Variants in TMEM242 observed in about 807,000 individuals in gnomAD.
TMEM242 encodes UPF0463 transmembrane protein C6orf35.
Under a neutral mutation model 18.2 loss-of-function variants are expected in TMEM242, and 10 were observed. The observed-to-expected ratio is 0.55, with a 90% CI of 0.34 to 0.93. The LOEUF (loss-of-function observed/expected upper bound fraction) is 0.93. Ranked by LOEUF, TMEM242 falls within the 40% of genes least tolerant of loss-of-function variation. The pLI is 0.02. For synonymous variants in TMEM242, 57 were observed against 69.9 expected (o/e 0.81, Z 0.92); for missense variants, 186 against 175.5 (o/e 1.06, Z -0.34).
At chr6:157,315,941 T>G (rs1301864326) in intron 3 of TMEM242, among the ~76,000 whole-genome samples, 2 of 152,212 alleles carry the variant, frequency 1.3e-5, no homozygotes, top group Non-Finnish European at 2.9e-5. Context: ...ATAATAATTA[T>G]GAATAAAAAA....
chr6:157,305,486 C>T lies in TMEM242; in HGVS notation c.328-12487G>A, dbSNP rs587685902. The stretch of plus-strand genomic sequence containing the variant: ...GGGCGTGTCATATTGTGAGGGCACA[C>T]AATATGAAGCAGAGACGCCGATCTG... On this transcript the variant is annotated intron_variant, in intron 3 of 3. Transcript: ENST00000400788. This position sits in a 1 kb window ranked among gnomAD's most constrained non-coding sequence, Gnocchi z 4.1. Among the ~76,000 whole-genome samples, 8 of 152,028 alleles carry T rather than the reference C, an allele frequency of 5.3e-5. 1 individual carries two copies. The highest frequency in any genetic ancestry group is 1.7e-4 in the African/African-American group (7 of 41,458).
At chr6:157,318,536 T>A (rs1241832391) in intron 3 of TMEM242, 2 of 504,742 alleles carry the variant, frequency 4.0e-6, no homozygotes. Flanking sequence ...TGTCAATTTA[T>A]ATAGAACATT....
chr6:157,310,428 T>G (rs1296867061), intron 3 of TMEM242, among the ~76,000 whole-genome samples: 9 of 51,608 alleles, frequency 1.7e-4, no homozygotes, highest in African/African-American at 2.4e-4. Flanking sequence ...GGCCTCATCA[T>G]AGTGTCCCAG....
rs372494807 is a variant in TMEM242, at chr6:157,318,815, G to A, written c.294C>T (p.Ser98=). The A allele has an allele frequency of 6.2e-7, 1 of 1,613,980 alleles. No homozygotes were observed. ...LYAWCGVGVI[S]FAVWKALGVH... Reference sequence around the variant, plus strand: ...CTCCTAAAGCTTTCCAGACTGCGAAGCTAATCACACCAACCCCACACCATG... The same window carrying A: ...CTCCTAAAGCTTTCCAGACTGCGAAACTAATCACACCAACCCCACACCATG... The change falls in exon 3 of 4, where the codon AGC becomes AGT. Residue 98 remains serine, a synonymous_variant. Transcript: ENST00000400788.
chr6:157,297,908 C>T (rs1276548933), intron 3 of TMEM242, among the ~76,000 whole-genome samples: 1 of 152,188 alleles, frequency 6.6e-6, no homozygotes, highest in African/African-American at 2.4e-5. Flanking sequence ...AGATAAATGT[C>T]AGACAAACAT....
chr6:157,299,911 C>G (rs1374505636), intron 3 of TMEM242: 2 of 1,612,118 alleles, frequency 1.2e-6, no homozygotes, highest in Non-Finnish European at 1.7e-6. Context: ...TAGCGCAGGC[C>G]ATGCCCACCG....
At chr6:157,299,421 T>G (rs1777795926) in intron 3 of TMEM242, 15 of 1,305,200 alleles carry the variant, frequency 1.1e-5, no homozygotes, top group Non-Finnish European at 1.6e-5. Context: ...ACAGGAACAC[T>G]TGAGTCTCCA....
rs1336182579 is a variant in TMEM242 at position 157,312,492 on chromosome 6, C to G, written c.327+6290G>C. Among the ~76,000 whole-genome samples the G allele has an allele frequency of 3.8e-4, 39 of 102,518 alleles. 1 individual carries two copies. Among genetic ancestry groups the G allele is most frequent in the Middle Eastern group, 4.6e-3 (1 of 218 alleles). The allele number at this position is 102,518 out of a possible 152,430, so 67.3% of individuals were successfully genotyped here. ...CACTCACCTAGCCTCATCATAGTGT[C>G]CCAGTGTGCACTCACCGAGCCTCAT... On this transcript the variant is annotated intron_variant, in intron 3 of 3. Coordinates refer to ENST00000400788, the MANE Select transcript of TMEM242 (RefSeq NM_018452.6).
chr6:157,308,551 T>C (rs1011500459), intron 3 of TMEM242, among the ~76,000 whole-genome samples: 1 of 152,212 alleles, frequency 6.6e-6, no homozygotes. Flanking sequence ...ATTTAAAATA[T>C]ATCTGTTTTA....
At chr6:157,293,029 A>G in intron 3 of TMEM242, 30 bp from the exon 4 acceptor site, 1 of 1,560,970 alleles carries the variant, frequency 6.4e-7, no homozygotes, top group Non-Finnish European at 8.8e-7. Flanking sequence ...CAGTTATCAA[A>G]TGTTAAAAGA....
At chr6:157,322,941 G>A in intron 1 of TMEM242, 136 bp from the exon 2 acceptor site, 1 of 732,198 alleles carries the variant, frequency 1.4e-6, no homozygotes. Flanking sequence ...AGAAACCATG[G>A]CTAAGCAGCT....
At chr6:157,312,940 G>T (rs1554249534) in intron 3 of TMEM242, among the ~76,000 whole-genome samples, 1 of 152,136 alleles carries the variant, frequency 6.6e-6, no homozygotes, top group East Asian at 1.9e-4. Flanking sequence ...GTGCCCCAGT[G>T]TGCGCTCACC....
intron 3 of TMEM242, among the ~76,000 whole-genome samples, chr6:157,313,330 T>C (rs1554249700): frequency 1.4e-5 from 2 of 145,092 alleles, no homozygotes; most frequent in Admixed American, 7.0e-5. Flanking sequence ...TCACCTGGCC[T>C]CATCATAGTG....
intron 3 of TMEM242, among the ~76,000 whole-genome samples, chr6:157,310,246 C>T (rs993617643): frequency 2.0e-5 from 3 of 152,182 alleles, no homozygotes; most frequent in African/African-American, 7.2e-5. Flanking sequence ...AGCAAGGCTT[C>T]TTTTTCTTCT....
rs1262555363 is a variant in TMEM242, at chr6:157,323,402, C to T, written c.88+10G>A. On this transcript the variant is annotated intron_variant, in intron 1 of 3. Coordinates refer to ENST00000400788, the MANE Select transcript of TMEM242 (RefSeq NM_018452.6). ...CCCCGACGCCCGCACCTCACCACAG[C>T]ACATCTTACCTTTAACCAGGAAAAG... 6.2e-7 allele frequency: 1 copy of T among 1,613,740 alleles called. No homozygotes were observed. Among genetic ancestry groups the T allele is most frequent in the African/African-American group, 1.3e-5 (1 of 74,946 alleles).
intron 3 of TMEM242, among the ~76,000 whole-genome samples, chr6:157,309,924 G>C (rs1777971989): frequency 6.6e-6 from 1 of 152,056 alleles, no homozygotes; most frequent in Non-Finnish European, 1.5e-5. Flanking sequence ...GCATTCTCTA[G>C]AGGCCCCAGT....
chr6:157,299,721 C>T (rs1235207361), intron 3 of TMEM242: 1 of 1,605,240 alleles, frequency 6.2e-7, no homozygotes, highest in Non-Finnish European at 8.5e-7. Context: ...TGACGTGCAC[C>T]TTCTGTGATA....
chr6:157,313,401 T>TCA (rs1778270232), intron 3 of TMEM242, among the ~76,000 whole-genome samples: 3 of 3,166 alleles, frequency 9.5e-4, no homozygotes, highest in African/African-American at 1.5e-3. Flanking sequence ...CCGGGCCTTA[T>TCA]TACAGTGTCC....
chr6:157,307,794 T>C (rs1777935796), intron 3 of TMEM242, among the ~76,000 whole-genome samples: 3 of 152,202 alleles, frequency 2.0e-5, no homozygotes, highest in Admixed American at 1.3e-4. Flanking sequence ...CACATGGAAC[T>C]ACCTCTGCAG....
Sources: gnomAD v4.1 joint callset for allele counts (sites outside exome capture counted in the v4.1 genomes callset) on GRCh38, gnomAD v4.1.1 for gene constraint, Gnocchi (gnomAD v3.1) non-coding constraint, MANE v1.5 for transcripts, NCBI Gene and HGNC (gene_info 2026-07-23, HGNC 2026-07-21) for gene names.